Variants in PREB observed in about 807,000 individuals in gnomAD.
The protein encoded by PREB is prolactin regulatory element binding.
A neutral mutation model predicts 46.7 loss-of-function variants in PREB; 29 were observed. That is an observed-to-expected ratio of 0.62 (90% confidence interval 0.46 to 0.85). PREB has a LOEUF of 0.85. Ranked by LOEUF, PREB falls within the 40% of genes least tolerant of loss-of-function variation. The probability of loss-of-function intolerance (pLI) is 0.00; values close to 1 mark genes in which losing one functional copy is unlikely to be tolerated. For synonymous variants in PREB, 224 were observed against 220.1 expected (o/e 1.02, Z -0.16); for missense variants, 494 against 528.4 (o/e 0.93, Z 0.64).
At chr2:27,134,216 G>A in intron 1 of PREB, 71 bp downstream of exon 1, 1 of 1,455,282 alleles carries the variant, frequency 6.9e-7, no homozygotes, top group Non-Finnish European at 9.1e-7. Context: ...CCCGCCCCGC[G>A]ACCCCCCGGC....
At position 27,132,159 on chromosome 2, in the gene PREB, G is replaced by C. The variant is rs753957890; in HGVS notation, c.926+71C>G. ...TCATACCCCAATACCGGTCCGTAGGGACCCAGGCAGGACTCCTTTCCAAGC... is the reference window on the plus strand; with the variant it reads ...TCATACCCCAATACCGGTCCGTAGGCACCCAGGCAGGACTCCTTTCCAAGC... On this transcript the variant is annotated intron_variant, in intron 6 of 8. Coordinates refer to ENST00000260643, the MANE Select transcript of PREB (RefSeq NM_013388.6). The surrounding 1 kb of genome is among the most constrained non-coding windows in gnomAD (Gnocchi z 4.0). 6.2e-7 allele frequency: 1 copy of C among 1,609,374 alleles called. No homozygotes were observed. Among genetic ancestry groups the C allele is most frequent in the Admixed American group, 1.7e-5 (1 of 60,016 alleles).
chr2:27,133,563 A>G lies in PREB; in HGVS notation c.294T>C (p.His98=). 1 of 1,613,990 alleles carries G rather than the reference A, an allele frequency of 6.2e-7. No individual in the cohort carries two copies. Among genetic ancestry groups the G allele is most frequent in the Non-Finnish European group, 8.5e-7 (1 of 1,179,916 alleles). Residue 98 remains histidine, a synonymous_variant, in exon 2 of 9, where the codon CAT becomes CAC. Transcript: ENST00000260643. ...TCTCTGCCTTGTTGCCCTGCTGTTGATGTGCCTGGAAGCGCAGGAGCTGAC... is the reference window on the plus strand; with the variant it reads ...TCTCTGCCTTGTTGCCCTGCTGTTGGTGTGCCTGGAAGCGCAGGAGCTGAC... ...AHCQLLRFQA[H]QQQGNKAEKA... is the part of the protein sequence containing the mutation.
chr2:27,133,368 G>C (rs752730699), intron 2 of PREB, 31 bp from the exon 3 acceptor site: 2 of 1,612,426 alleles, frequency 1.2e-6, no homozygotes, highest in East Asian at 4.5e-5. Flanking sequence ...CAGGTTCCAG[G>C]CTTCTACAGT....
In PREB at chr2:27,131,655, C is replaced by G. The variant is rs1434991396; in HGVS notation, c.1159+17G>C. ...AAACGTGGGGTGGTGCCTGCCTGCC[C>G]TGCCCCAATGACTCACGCCGTGAGG... On this transcript the variant is annotated intron_variant, in intron 8 of 8. Coordinates refer to ENST00000260643, the MANE Select transcript of PREB (RefSeq NM_013388.6). 6.2e-7 allele frequency: 1 copy of G among 1,612,944 alleles called. No individual in the cohort carries two copies. Among genetic ancestry groups the G allele is most frequent in the Non-Finnish European group, 8.5e-7 (1 of 1,179,418 alleles).
At position 27,131,160 on chromosome 2, in the gene PREB, A is replaced by G. The variant is rs566327525; in HGVS notation, c.*254T>C. ...CTCTGGTAGGCAGAAGAAAGGAGGC[A>G]GGGAGTATGGCCTGGGCTTCAGATA... On this transcript the variant is annotated 3_prime_UTR_variant, in exon 9 of 9. Transcript: ENST00000260643. 1.8e-6 allele frequency: 1 copy of G among 555,400 alleles called. No individual in the cohort carries two copies. Among genetic ancestry groups the G allele is most frequent in the East Asian group, 3.0e-5 (1 of 32,890 alleles). The allele number at this position is 555,400 out of a possible 1,614,324, so 34.4% of individuals were successfully genotyped here.
In PREB at chr2:27,130,792, A is replaced by T. The variant is rs746812273; in HGVS notation, c.*622T>A. On this transcript the variant is annotated 3_prime_UTR_variant, in exon 9 of 9. Transcript: ENST00000260643. ...AGTTCACTCTTTCCTTGTTTATTAA[A>T]TATCAACTTTTCCTGCCTAATGGGC... The T allele has an allele frequency of 2.5e-6, 4 of 1,585,688 alleles. No individual in the cohort carries two copies. Among genetic ancestry groups the T allele is most frequent in the Admixed American group, 1.7e-5 (1 of 59,578 alleles).
intron 2 of PREB, 21 bp downstream of exon 2, chr2:27,133,511 G>A (rs776090778): frequency 1.9e-6 from 3 of 1,610,254 alleles, no homozygotes; most frequent in East Asian, 2.2e-5. Context: ...TCCCCAAGGG[G>A]GTAGAGAGGG....
chr2:27,133,935 A>C (rs1243199293), intron 1 of PREB: 2 of 625,082 alleles, frequency 3.2e-6, no homozygotes, highest in Non-Finnish European at 5.5e-6. Flanking sequence ...AGCTCAGGAG[A>C]GGGAAGGAAC....
At position 27,134,452 on chromosome 2, in the gene PREB, GCGGCACCCAGGACAT is replaced by G; in HGVS notation, c.-46_-32del. ...CCGGCGCGCGTTCACTGCCCGCACC[GCGGCACCCAGGACAT>G]GCCGCGCCGGGCCTTCGACTACTGC... On this transcript the variant is annotated 5_prime_UTR_variant, in exon 1 of 9. It removes an upstream start codon present in the reference 5' UTR. Transcript: ENST00000260643. 1 of 1,509,960 alleles carries G rather than the reference GCGGCACCCAGGACAT, an allele frequency of 6.6e-7. No individual in the cohort carries two copies. Among genetic ancestry groups the G allele is most frequent in the East Asian group, 2.6e-5 (1 of 39,186 alleles). The allele number at this position is 1,509,960 out of a possible 1,614,324, so 93.5% of individuals were successfully genotyped here. A position where few individuals can be genotyped will look rare whatever the true frequency, so the allele number is the denominator to read the frequency against.
Position 27,132,376 on chromosome 2 carries a change from A to C in PREB, c.780T>G (p.Ala260=). The C allele has an allele frequency of 1.2e-6, 2 of 1,612,786 alleles. No individual in the cohort carries two copies. The highest frequency in any genetic ancestry group is 2.2e-5 in the South Asian group (2 of 91,040). Residue 260 remains alanine (A), a synonymous_variant, in exon 6 of 9, where the codon GCT becomes GCG. Transcript: ENST00000260643. The surrounding 1 kb of genome is among the most constrained non-coding windows in gnomAD (Gnocchi z 4.0). The stretch of plus-strand genomic sequence containing the variant: ...TTTGCACTGTGAAGAGTCGCAGGCC[A>C]GCAGGCTGGTCTGGAACCTGCCCAA... ...CRFGQVPDQP[A]GLRLFTVQIP...
In PREB at chr2:27,132,009, C is replaced by G. The variant is rs1301487445; in HGVS notation, c.999+1G>C. ...GGGCCATGCCAACCTCCACCCATTACCTGGAGAGAGAAAGCTATGTAGATG... is the reference window on the plus strand; with the variant it reads ...GGGCCATGCCAACCTCCACCCATTAGCTGGAGAGAGAAAGCTATGTAGATG... On this transcript the variant is annotated splice_donor_variant, in intron 7 of 8. Coordinates refer to ENST00000260643, the MANE Select transcript of PREB (RefSeq NM_013388.6). LOFTEE classifies it high-confidence loss of function. The surrounding 1 kb of genome is among the most constrained non-coding windows in gnomAD (Gnocchi z 4.0). 1.9e-6 allele frequency: 3 copies of G among 1,613,800 alleles called. No homozygotes were observed. The highest frequency in any genetic ancestry group is 2.2e-5 in the South Asian group (2 of 91,070).
At chr2:27,133,773 G>A in intron 1 of PREB, 52 bp from the exon 2 acceptor site, 2 of 1,556,102 alleles carry the variant, frequency 1.3e-6, no homozygotes, top group Non-Finnish European at 1.8e-6. Flanking sequence ...CAGAGAGCAC[G>A]TTTAGGGAAG....
In PREB at chr2:27,134,012, C is replaced by G. The variant is rs1361490899; in HGVS notation, c.135+275G>C. ...GGCAGGCAAGACCTCCCGGAAAAGG[C>G]CAGTATAAGACCCCTGGAGCTGCTC... On this transcript the variant is annotated intron_variant, in intron 1 of 8. Coordinates refer to ENST00000260643, the MANE Select transcript of PREB (RefSeq NM_013388.6). 1.3e-5 allele frequency: 8 copies of G among 609,546 alleles called. No homozygotes were observed. The East Asian group carries it at 2.0e-4, about 15-fold the overall frequency. The allele number at this position is 609,546 out of a possible 1,614,324, so 37.8% of individuals were successfully genotyped here. A position where few individuals can be genotyped will look rare whatever the true frequency, so the allele number is the denominator to read the frequency against.
Position 27,134,565 on chromosome 2 carries a change from A to C in PREB, c.-144T>G. On this transcript the variant is annotated 5_prime_UTR_variant, in exon 1 of 9. Transcript: ENST00000260643. The stretch of plus-strand genomic sequence containing the variant: ...ACCCCTCTCACACCGGGGAGTTGCC[A>C]AAACCCTGACCATCAGCAGGAAGCC... 1 of 1,356,624 alleles carries C rather than the reference A, an allele frequency of 7.4e-7. No homozygotes were observed. 84.0% of individuals were successfully genotyped at this position (1,356,624 alleles called of 1,614,324 possible).
intron 1 of PREB, 151 bp from the exon 2 acceptor site, chr2:27,133,872 CTA>C: frequency 1.4e-6 from 1 of 725,196 alleles, no homozygotes; most frequent in Non-Finnish European, 2.2e-6. Context: ...CCTCACAAAT[CTA>C]CACAGTGAGC....
At chr2:27,133,794 C>T (rs1243422442) in intron 1 of PREB, 73 bp from the exon 2 acceptor site, 5 of 1,462,806 alleles carry the variant, frequency 3.4e-6, no homozygotes. Context: ...AGTCTGATGT[C>T]TTACCCCTTT....
In PREB at chr2:27,131,170, G is replaced by C. The variant is rs1672244942; in HGVS notation, c.*244C>G. 3.5e-6 allele frequency: 2 copies of C among 566,684 alleles called. No homozygotes were observed. Among genetic ancestry groups the C allele is most frequent in the Non-Finnish European group, 6.3e-6 (2 of 319,198 alleles). The allele number at this position is 566,684 out of a possible 1,614,324, so 35.1% of individuals were successfully genotyped here. Reference sequence around the variant, plus strand: ...CAGAAGAAAGGAGGCAGGGAGTATGGCCTGGGCTTCAGATACCGCTGTTCT... The same window carrying C: ...CAGAAGAAAGGAGGCAGGGAGTATGCCCTGGGCTTCAGATACCGCTGTTCT... On this transcript the variant is annotated 3_prime_UTR_variant, in exon 9 of 9. Coordinates refer to ENST00000260643, the MANE Select transcript of PREB (RefSeq NM_013388.6).
Position 27,131,775 on chromosome 2 carries a change from T to G in PREB, c.1056A>C (p.Leu352=). The G allele has an allele frequency of 6.2e-7, 1 of 1,613,850 alleles. No individual in the cohort carries two copies. Among genetic ancestry groups the G allele is most frequent in the Non-Finnish European group, 8.5e-7 (1 of 1,179,912 alleles). The part of the protein sequence containing the change: ...HGIVVTDVAF[L]PEKGRGPELL... ...GCTCTGGACCACGACCCTTCTCAGG[T>G]AGAAAGGCCACATCCGTCACCACAA... The change falls in exon 8 of 9, where the codon CTA becomes CTC. Residue 352 remains leucine (L), a synonymous_variant. Coordinates refer to ENST00000260643, the MANE Select transcript of PREB (RefSeq NM_013388.6).
At position 27,134,072 on chromosome 2, in the gene PREB, A is replaced by T. The variant is rs570534570; in HGVS notation, c.135+215T>A. 81 of 685,792 alleles carry T rather than the reference A, an allele frequency of 1.2e-4. No individual in the cohort carries two copies. The East Asian group carries it at 1.9e-3, about 16-fold the overall frequency. The allele number at this position is 685,792 out of a possible 1,614,324, so 42.5% of individuals were successfully genotyped here. On this transcript the variant is annotated intron_variant, in intron 1 of 8. Transcript: ENST00000260643. ...GCTGAAGCGTTCCTGGCGACTCTGC[A>T]GCTGTGTGCAGTTTTCACTTTACCT...
Sources: allele counts gnomAD v4.1 joint callset, GRCh38; gene constraint gnomAD v4.1.1; non-coding constraint Gnocchi (gnomAD v3.1); transcripts MANE v1.5; gene names NCBI Gene and HGNC (gene_info 2026-07-23, HGNC 2026-07-21).